Variants in FTCDNL1 observed in about 807,000 individuals in gnomAD.
The protein encoded by FTCDNL1 is formiminotransferase cyclodeaminase N-terminal like.
Under a neutral mutation model 5.9 loss-of-function variants are expected in FTCDNL1, and 11 were observed. The ratio of observed to expected loss-of-function variants is 1.87; its 90% CI spans 1.18 to 3.10. The LOEUF (loss-of-function observed/expected upper bound fraction) is 3.10, where lower values mean the gene tolerates loss of function less well. Among genes scored for constraint, FTCDNL1 ranks in the 30% most tolerant of loss-of-function variants. The probability of loss-of-function intolerance (pLI) is 0.00; values close to 1 mark genes in which losing one functional copy is unlikely to be tolerated. For missense variants in FTCDNL1, 115 were observed against 65.5 expected, an observed-to-expected ratio of 1.76 and a Z score of -2.61; for synonymous variants, 58 against 24.8, an observed-to-expected ratio of 2.34 and a Z score of -3.99.
At chr2:199,772,233 ACAC>A (rs968688966) in intron 3 of FTCDNL1, among the ~76,000 whole-genome samples, 2 of 152,230 alleles carry the variant, frequency 1.3e-5, no homozygotes, top group African/African-American at 4.8e-5. Context: ...AGATTTTATC[ACAC>A]TACTTAGAGT....
the FTCDNL1 span, among the ~76,000 whole-genome samples, chr2:199,682,696 G>A: frequency 8.2e-3 from 1,245 of 152,274 alleles, 9 homozygotes; most frequent in Middle Eastern, 0.017. Flanking sequence ...GCAACAATAT[G>A]CAGGAAGGTA....
chr2:199,728,296 G>A, the FTCDNL1 span, among the ~76,000 whole-genome samples: 12 of 151,082 alleles, frequency 7.9e-5, no homozygotes, highest in African/African-American at 2.9e-4. Flanking sequence ...CGCCCAGACT[G>A]GAGTGCAGTG....
intron 3 of FTCDNL1, among the ~76,000 whole-genome samples, chr2:199,771,498 T>TA (rs1269402256): frequency 2.0e-5 from 3 of 152,180 alleles, no homozygotes; most frequent in African/African-American, 7.2e-5. Flanking sequence ...TCATGATAAA[T>TA]ACACATGTGT....
At chr2:199,720,053 C>T in the FTCDNL1 span, among the ~76,000 whole-genome samples, 1 of 152,002 alleles carries the variant, frequency 6.6e-6, no homozygotes, top group Non-Finnish European at 1.5e-5. Flanking sequence ...TTGATTTGAT[C>T]CTCAGCTAGA....
At chr2:199,775,152 C>T (rs1460660643) in intron 3 of FTCDNL1, among the ~76,000 whole-genome samples, 3 of 152,174 alleles carry the variant, frequency 2.0e-5, no homozygotes, top group Admixed American at 6.5e-5. Flanking sequence ...TCATTGTCTG[C>T]GTTCTCCAAC....
chr2:199,737,858 A>G, the FTCDNL1 span, among the ~76,000 whole-genome samples: 2 of 152,204 alleles, frequency 1.3e-5, no homozygotes, highest in African/African-American at 2.4e-5. Flanking sequence ...TGAGAGGTAG[A>G]GTAATGCAAA....
chr2:199,776,921 T>C (rs1021176020), intron 3 of FTCDNL1, among the ~76,000 whole-genome samples: 52 of 146,346 alleles, frequency 3.6e-4, no homozygotes, highest in African/African-American at 1.1e-3. Flanking sequence ...TGTATGTATA[T>C]ATATATACAC....
At chr2:199,707,441 G>A in the FTCDNL1 span, among the ~76,000 whole-genome samples, 1 of 151,806 alleles carries the variant, frequency 6.6e-6, no homozygotes, top group African/African-American at 2.4e-5. Flanking sequence ...TTTCATCCAA[G>A]GCATTGGATT....
At chr2:199,734,034 A>C in the FTCDNL1 span, among the ~76,000 whole-genome samples, 1 of 152,132 alleles carries the variant, frequency 6.6e-6, no homozygotes, top group Admixed American at 6.5e-5. Flanking sequence ...AAGTTCTGTT[A>C]ATTTATTATT....
At chr2:199,695,925 G>A in the FTCDNL1 span, among the ~76,000 whole-genome samples, 4 of 152,162 alleles carry the variant, frequency 2.6e-5, no homozygotes, top group Non-Finnish European at 4.4e-5. Context: ...CCATGGGACC[G>A]AGGCAGTCTA....
chr2:199,756,650 T>C (rs929493926), downstream of FTCDNL1, among the ~76,000 whole-genome samples: 1 of 152,232 alleles, frequency 6.6e-6, no homozygotes, highest in Admixed American at 6.5e-5. Flanking sequence ...GTTGATTAGA[T>C]ATTTTATTGT....
At chr2:199,771,637 T>C (rs915235432) in intron 3 of FTCDNL1, among the ~76,000 whole-genome samples, 2 of 152,234 alleles carry the variant, frequency 1.3e-5, no homozygotes, top group African/African-American at 4.8e-5. Flanking sequence ...ATAATTTAAA[T>C]GTATTATTCA....
At chr2:199,727,478 T>C in the FTCDNL1 span, among the ~76,000 whole-genome samples, 2 of 152,186 alleles carry the variant, frequency 1.3e-5, no homozygotes, top group Non-Finnish European at 2.9e-5. Flanking sequence ...CCTAACAGGG[T>C]AGCACAGTCA....
Position 199,812,180 on chromosome 2 carries a change from T to C in FTCDNL1, c.*525A>G, listed in dbSNP as rs1701075478. Among the ~76,000 whole-genome samples the C allele has an allele frequency of 6.6e-6, 1 of 152,228 alleles. No homozygotes were observed. The highest frequency in any genetic ancestry group is 2.4e-5 in the African/African-American group (1 of 41,458). On this transcript the variant is annotated 3_prime_UTR_variant, in exon 5 of 5. Coordinates refer to ENST00000420128, the MANE Select transcript of FTCDNL1 (RefSeq NM_001363886.2). ...GTAGTGATAAAACGGAGACAATTAA[T>C]GAATCTGAGATGTTTCTGACCTAAT...
intron 3 of FTCDNL1, among the ~76,000 whole-genome samples, chr2:199,766,670 A>G (rs1698550501): frequency 6.6e-6 from 1 of 152,230 alleles, no homozygotes; most frequent in South Asian, 2.1e-4. Flanking sequence ...GCTATGTACA[A>G]AACAGTGCTT....
In FTCDNL1 at chr2:199,780,207, T is replaced by C. The variant is rs114729490; in HGVS notation, c.212-19372A>G. 2.6e-3 allele frequency among the ~76,000 whole-genome samples: 400 copies of C among 152,294 alleles called. 6 individuals carry two copies. Among genetic ancestry groups the C allele is most frequent in the African/African-American group, 8.8e-3 (365 of 41,560 alleles). ...TCTACAGGGACCTCTGGAGCCCGGA[T>C]GGCCCACCTCGCTAGGATAGGGCAG... On this transcript the variant is annotated intron_variant, in intron 3 of 3. Transcript: ENST00000416668.
At chr2:199,729,239 G>A in the FTCDNL1 span, among the ~76,000 whole-genome samples, 1 of 152,222 alleles carries the variant, frequency 6.6e-6, no homozygotes, top group African/African-American at 2.4e-5. Flanking sequence ...TCAAGCCACT[G>A]ATGCTGATGG....
chr2:199,696,488 A>G, the FTCDNL1 span, among the ~76,000 whole-genome samples: 12 of 152,282 alleles, frequency 7.9e-5, no homozygotes, highest in Non-Finnish European at 1.2e-4. Flanking sequence ...GAATGCCATG[A>G]GCCTGGTCCC....
intron 3 of FTCDNL1, among the ~76,000 whole-genome samples, chr2:199,779,449 A>C (rs1699249121): frequency 6.6e-6 from 1 of 152,226 alleles, no homozygotes; most frequent in Admixed American, 6.5e-5. Context: ...AACAGAAAGC[A>C]AAATGGAAGA....
Sources: gnomAD v4.1 joint callset for allele counts (sites outside exome capture counted in the v4.1 genomes callset) on GRCh38, gnomAD v4.1.1 for gene constraint, MANE v1.5 for transcripts, NCBI Gene and HGNC (gene_info 2026-07-23, HGNC 2026-07-21) for gene names.